Variants in ZMIZ1 observed in about 807,000 individuals in gnomAD.
ZMIZ1 encodes the protein zinc finger MIZ-type containing 1.
In ZMIZ1, 17 loss-of-function variants were observed where a neutral mutation model predicts 113.9. That is an observed-to-expected ratio of 0.15 (90% CI 0.10 to 0.22). The LOEUF (loss-of-function observed/expected upper bound fraction) is 0.22. Among genes scored for constraint, ZMIZ1 ranks in the 10% least tolerant of loss-of-function variants. ZMIZ1 has a pLI of 1.00. For missense variants in ZMIZ1, 1,059 were observed against 1,477.8 expected (o/e 0.72, Z 4.65); for synonymous variants, 607 against 603.1 (o/e 1.01, Z -0.09).
chr10:79,299,236 G>A, intron 16 of ZMIZ1, 45 bp downstream of exon 16: 1 of 1,569,524 alleles, frequency 6.4e-7, no homozygotes, highest in South Asian at 1.1e-5. Context: ...GATGAAGGAG[G>A]TCCCCTGGGA....
At chr10:79,245,685 T>G (rs1480419483) in intron 7 of ZMIZ1, among the ~76,000 whole-genome samples, 2 of 152,216 alleles carry the variant, frequency 1.3e-5, no homozygotes, top group East Asian at 3.8e-4. Flanking sequence ...GCGGAAGTCC[T>G]GCCCGGGGCT....
intron 24 of ZMIZ1, among the ~76,000 whole-genome samples, chr10:79,312,087 A>G (rs1412950340): frequency 6.6e-6 from 1 of 152,074 alleles, no homozygotes; most frequent in Non-Finnish European, 1.5e-5. Flanking sequence ...CATGTGACAG[A>G]CTCCAAGGAT....
At chr10:79,235,326 A>G (rs1849545542) in intron 7 of ZMIZ1, among the ~76,000 whole-genome samples, 1 of 152,204 alleles carries the variant, frequency 6.6e-6, no homozygotes. Context: ...CCGGGTGATG[A>G]AGGACTCCTG....
At chr10:79,253,209 T>C (rs1191485393) in intron 7 of ZMIZ1, among the ~76,000 whole-genome samples, 2 of 152,238 alleles carry the variant, frequency 1.3e-5, no homozygotes. Context: ...GCCTGGGTTT[T>C]GCATCTTTGT....
chr10:79,141,544 A>C (rs767395489), intron 3 of ZMIZ1, among the ~76,000 whole-genome samples: 2 of 152,068 alleles, frequency 1.3e-5, no homozygotes, highest in Non-Finnish European at 2.9e-5. Flanking sequence ...AGTAGCTGGG[A>C]CTACAGGCAC....
intron 4 of ZMIZ1, among the ~76,000 whole-genome samples, chr10:79,199,963 G>A (rs1425237211): frequency 6.6e-6 from 1 of 152,194 alleles, no homozygotes; most frequent in Non-Finnish European, 1.5e-5. Flanking sequence ...AGACAGGCAG[G>A]CAGACACAAC....
At chr10:79,159,717 C>T (rs1170023248) in intron 3 of ZMIZ1, among the ~76,000 whole-genome samples, 1 of 152,206 alleles carries the variant, frequency 6.6e-6, no homozygotes, top group Non-Finnish European at 1.5e-5. Flanking sequence ...TACTCCTTCT[C>T]TCTTTCCTAG....
chr10:79,135,367 C>T (rs1844955830), intron 2 of ZMIZ1, among the ~76,000 whole-genome samples: 1 of 152,134 alleles, frequency 6.6e-6, no homozygotes, highest in Non-Finnish European at 1.5e-5. Context: ...TGCAGTTGGT[C>T]AGAATTAGCC....
At chr10:79,241,648 A>G (rs1272216370) in intron 7 of ZMIZ1, among the ~76,000 whole-genome samples, 1 of 152,206 alleles carries the variant, frequency 6.6e-6, no homozygotes, top group East Asian at 1.9e-4. Context: ...TTCAAATGCC[A>G]TCCTGAAAGC....
intron 3 of ZMIZ1, among the ~76,000 whole-genome samples, chr10:79,159,519 G>A (rs1846025135): frequency 6.6e-6 from 1 of 152,238 alleles, no homozygotes; most frequent in South Asian, 2.1e-4. Context: ...GGGATGGGCT[G>A]CTTACTCACA....
intron 2 of ZMIZ1, among the ~76,000 whole-genome samples, chr10:79,122,584 A>AC (rs1844344289): frequency 6.6e-6 from 1 of 150,912 alleles, no homozygotes. Flanking sequence ...GATTTCTTTG[A>AC]CCCCCCAGCT....
At chr10:79,152,557 C>T (rs1306095746) in intron 3 of ZMIZ1, among the ~76,000 whole-genome samples, 2 of 152,192 alleles carry the variant, frequency 1.3e-5, no homozygotes, top group East Asian at 1.9e-4. Flanking sequence ...ATCAGATCTC[C>T]GGGGCGGGGC....
intron 7 of ZMIZ1, among the ~76,000 whole-genome samples, chr10:79,249,512 G>A (rs906759142): frequency 2.6e-5 from 4 of 152,246 alleles, no homozygotes; most frequent in African/African-American, 9.6e-5. Flanking sequence ...TCTGTGTGAT[G>A]TGAGGGGTGC....
intron 1 of ZMIZ1, among the ~76,000 whole-genome samples, chr10:79,104,954 T>G (rs1028239779): frequency 1.2e-4 from 10 of 83,976 alleles, no homozygotes; most frequent in African/African-American, 3.0e-4. Flanking sequence ...TTGTGGGGTG[T>G]GTGTGTGTGT....
chr10:79,304,997 C>T (rs1170871886), intron 19 of ZMIZ1, among the ~76,000 whole-genome samples, 167 bp from the exon 20 acceptor site: 7 of 152,114 alleles, frequency 4.6e-5, no homozygotes, highest in Admixed American at 6.5e-5. Flanking sequence ...AAGGACTCTG[C>T]GTGGCAGAAA....
chr10:79,070,896 TC>T (rs1842258428), intron 1 of ZMIZ1, among the ~76,000 whole-genome samples: 1 of 137,214 alleles, frequency 7.3e-6, no homozygotes, highest in Non-Finnish European at 1.6e-5. Context: ...CCTTCTCCTC[TC>T]CCCTGACTGC....
At chr10:79,272,095 T>C (rs1203371921) in intron 7 of ZMIZ1, among the ~76,000 whole-genome samples, 2 of 151,898 alleles carry the variant, frequency 1.3e-5, no homozygotes, top group South Asian at 4.2e-4. Context: ...ATGGCAAAAC[T>C]CCATCTCTAC....
chr10:79,199,221 AAGGTGGC>A (rs57850223), intron 4 of ZMIZ1, among the ~76,000 whole-genome samples: 18,999 of 151,546 alleles, frequency 0.13, 1,506 homozygotes, highest in East Asian at 0.33. Context: ...AAAAAATGAA[AAGGTGGC>A]CAGGCGTGGT....
chr10:79,130,694 G>C (rs1844723610), intron 2 of ZMIZ1, among the ~76,000 whole-genome samples: 1 of 152,056 alleles, frequency 6.6e-6, no homozygotes, highest in African/African-American at 2.4e-5. Context: ...TGTGACCTTG[G>C]GCAGTCACTT....
Sources: gnomAD v4.1 joint callset for allele counts (sites outside exome capture counted in the v4.1 genomes callset) on GRCh38, gnomAD v4.1.1 for gene constraint, MANE v1.5 for transcripts, NCBI Gene and HGNC (gene_info 2026-07-23, HGNC 2026-07-21) for gene names.